The following NRG1 variants were observed in gnomAD, a reference collection of about 807,000 sequenced individuals.
NRG1 encodes the protein neuregulin 1.
A neutral mutation model predicts 63.8 loss-of-function variants in NRG1; 18 were observed. The ratio of observed to expected loss-of-function variants is 0.28; its 90% confidence interval spans 0.19 to 0.42. NRG1 has a LOEUF of 0.42. NRG1 is among the 10% of genes least tolerant of loss of function. The pLI is 1.00. For missense variants in NRG1, 762 were observed against 814.7 expected (o/e 0.94, Z 0.79); for synonymous variants, 302 against 301.3 (o/e 1.00, Z -0.02).
chr8:32,151,290 T>C (rs1837473141), intron 1 of NRG1, among the ~76,000 whole-genome samples: 1 of 152,034 alleles, frequency 6.6e-6, no homozygotes, highest in African/African-American at 2.4e-5. Flanking sequence ...TAAAGGCCAA[T>C]AAAAAGCAAA....
At chr8:32,412,295 C>T (rs1815074811) in intron 1 of NRG1, among the ~76,000 whole-genome samples, 2 of 151,702 alleles carry the variant, frequency 1.3e-5, no homozygotes, top group Non-Finnish European at 2.9e-5. Context: ...TGAAACTACA[C>T]TATCAGCATT....
chr8:32,250,155 T>C (rs978232), intron 1 of NRG1, among the ~76,000 whole-genome samples: 113,349 of 151,994 alleles, frequency 0.75, 43,353 homozygotes, highest in African/African-American at 0.91. Context: ...TCTTTCAAAC[T>C]GTCTTTTTTG....
rs1323117604 is a variant in NRG1 at position 32,703,443 on chromosome 8, G to A, written c.503-24506G>A. 4.1e-5 allele frequency among the ~76,000 whole-genome samples: 6 copies of A among 146,452 alleles called. No homozygotes were observed. The South Asian group carries it at 1.3e-3, about 32-fold the overall frequency. ...ATGTTTTTTTTTTTTTTTTGAGATG[G>A]AGTCTCGCTGTGTCGCTCAGGCTGG... On this transcript the variant is annotated intron_variant, in intron 5 of 11. Transcript: ENST00000356819.
At chr8:32,771,718 ATATATAT>A, downstream of NRG1, among the ~76,000 whole-genome samples, 1 of 126,598 alleles carries the variant, frequency 7.9e-6, no homozygotes, top group Non-Finnish European at 1.6e-5. Flanking sequence ...AAAAAAAAAT[ATATATAT>A]ATATATATAT....
chr8:31,861,993 A>T (rs1455928825), intron 1 of NRG1, among the ~76,000 whole-genome samples: 2 of 152,158 alleles, frequency 1.3e-5, no homozygotes, highest in Admixed American at 1.3e-4. Flanking sequence ...TCGCAAGCTG[A>T]GTAGAGTCCA....
intron 5 of NRG1, among the ~76,000 whole-genome samples, chr8:32,717,884 C>A (rs1045329026): frequency 4.6e-5 from 7 of 152,150 alleles, no homozygotes; most frequent in African/African-American, 1.7e-4. Flanking sequence ...CTTTTTGCTA[C>A]ACTTTTAGGG....
chr8:31,848,498 AC>A (rs1165614996), intron 1 of NRG1, among the ~76,000 whole-genome samples: 7 of 151,584 alleles, frequency 4.6e-5, no homozygotes, highest in Non-Finnish European at 2.9e-5. Context: ...AGGGTCCACA[AC>A]CCCTGGGCCA....
intron 1 of NRG1, among the ~76,000 whole-genome samples, chr8:31,942,365 T>C (rs1338493034): frequency 1.3e-5 from 2 of 152,102 alleles, no homozygotes; most frequent in African/African-American, 4.8e-5. Flanking sequence ...TCTTCATCTC[T>C]TATCCTATGC....
At chr8:31,736,367 C>T (rs1049627500) in intron 1 of NRG1, among the ~76,000 whole-genome samples, 2 of 152,174 alleles carry the variant, frequency 1.3e-5, no homozygotes, top group Non-Finnish European at 1.5e-5. Flanking sequence ...CTAGAATCCA[C>T]TCTGCACCTG....
At chr8:32,388,695 A>G (rs1811333491) in intron 1 of NRG1, among the ~76,000 whole-genome samples, 1 of 151,996 alleles carries the variant, frequency 6.6e-6, no homozygotes, top group Admixed American at 6.6e-5. Context: ...ATTTCTCAGA[A>G]TCCCATTTCA....
At chr8:32,142,809 G>A (rs1836428405) in intron 1 of NRG1, among the ~76,000 whole-genome samples, 1 of 152,118 alleles carries the variant, frequency 6.6e-6, no homozygotes, top group Non-Finnish European at 1.5e-5. Context: ...TAATACATAG[G>A]TACAAATACA....
At chr8:31,913,557 G>T (rs552140876) in intron 1 of NRG1, among the ~76,000 whole-genome samples, 3 of 152,168 alleles carry the variant, frequency 2.0e-5, no homozygotes, top group East Asian at 1.9e-4. Context: ...GTTATCCAGG[G>T]TTAAACAGAA....
At chr8:32,514,761 C>T (rs1829621019) in intron 1 of NRG1, among the ~76,000 whole-genome samples, 1 of 152,018 alleles carries the variant, frequency 6.6e-6, no homozygotes, top group African/African-American at 2.4e-5. Flanking sequence ...CTAACTGTTA[C>T]CCTATAGATT....
chr8:32,065,810 A>C (rs1403059415), intron 1 of NRG1, among the ~76,000 whole-genome samples: 1 of 152,154 alleles, frequency 6.6e-6, no homozygotes. Context: ...CAACAGTGCA[A>C]AAGTGTTCCT....
At chr8:31,775,319 A>G (rs1239704388) in intron 1 of NRG1, among the ~76,000 whole-genome samples, 3 of 152,214 alleles carry the variant, frequency 2.0e-5, no homozygotes, top group Admixed American at 6.5e-5. Context: ...GGAGGCCATT[A>G]TCCTAAGTGA....
chr8:32,113,303 CT>C (rs1170849452), intron 1 of NRG1, among the ~76,000 whole-genome samples: 8 of 152,250 alleles, frequency 5.3e-5, no homozygotes, highest in African/African-American at 1.7e-4. Context: ...CTCCTTTCCC[CT>C]GTCTCTATTT....
chr8:31,675,821 T>G (rs896492981), intron 1 of NRG1, among the ~76,000 whole-genome samples: 1 of 152,170 alleles, frequency 6.6e-6, no homozygotes, highest in Non-Finnish European at 1.5e-5. Context: ...GAATTATTAT[T>G]CCTCTTTTAC....
At chr8:32,244,411 C>A (rs1433899830) in intron 1 of NRG1, among the ~76,000 whole-genome samples, 2 of 151,932 alleles carry the variant, frequency 1.3e-5, no homozygotes, top group African/African-American at 4.8e-5. Flanking sequence ...GGTAATGAAC[C>A]AAAGCAGGGA....
At chr8:32,066,059 T>G (rs1249419150) in intron 1 of NRG1, among the ~76,000 whole-genome samples, 1 of 152,282 alleles carries the variant, frequency 6.6e-6, no homozygotes, top group African/African-American at 2.4e-5. Flanking sequence ...TAAATTTGTT[T>G]GAGTTCATTG....
Sources: gnomAD v4.1 joint callset for allele counts (sites outside exome capture counted in the v4.1 genomes callset) on GRCh38, gnomAD v4.1.1 for gene constraint, MANE v1.5 for transcripts, NCBI Gene and HGNC (gene_info 2026-07-23, HGNC 2026-07-21) for gene names.